Variants in FHOD3 observed in about 807,000 individuals in gnomAD.
The protein encoded by FHOD3 is formin homology 2 domain containing 3.
Under a neutral mutation model 173.0 loss-of-function variants are expected in FHOD3, and 90 were observed. That is an observed-to-expected ratio of 0.52 (90% CI 0.44 to 0.62). The LOEUF (loss-of-function observed/expected upper bound fraction) is 0.62. Ranked by LOEUF, FHOD3 falls within the 20% of genes least tolerant of loss-of-function variation. The pLI is 0.00. For missense variants in FHOD3, 1,945 were observed against 2,034.7 expected (o/e 0.96, Z 0.85); for synonymous variants, 828 against 823.0 (o/e 1.01, Z -0.10).
intron 10 of FHOD3, among the ~76,000 whole-genome samples, chr18:36,634,276 C>A (rs2034718495): frequency 6.6e-6 from 1 of 152,084 alleles, no homozygotes; most frequent in African/African-American, 2.4e-5. Flanking sequence ...TGGCATCTTT[C>A]CACCAGCCAC....
intron 3 of FHOD3, among the ~76,000 whole-genome samples, chr18:36,432,625 G>A (rs1430780593): frequency 1.3e-5 from 2 of 152,138 alleles, no homozygotes; most frequent in Admixed American, 6.5e-5. Context: ...GCCATGATGG[G>A]GTCACACATG....
chr18:36,724,010 A>T (rs2149832751), intron 19 of FHOD3, among the ~76,000 whole-genome samples: 1 of 152,320 alleles, frequency 6.6e-6, no homozygotes, highest in Non-Finnish European at 1.5e-5. Context: ...GCCTACTGAA[A>T]CTAGGTTGTG....
At chr18:36,713,127 C>T (rs1366683970) in intron 18 of FHOD3, among the ~76,000 whole-genome samples, 1 of 152,202 alleles carries the variant, frequency 6.6e-6, no homozygotes, top group Non-Finnish European at 1.5e-5. Context: ...ACCGGAGGTT[C>T]TCCAAACAGA....
intron 14 of FHOD3, among the ~76,000 whole-genome samples, chr18:36,678,524 C>CAAAAAAAAAAAAAAAAAAA (rs58064190): frequency 8.4e-5 from 6 of 71,152 alleles, no homozygotes; most frequent in African/African-American, 1.7e-4. Flanking sequence ...GACCCTGTCT[C>CAAAAAAAAAAAAAAAAAAA]AAAAAAAAAA....
At chr18:36,396,138 T>G (rs928497319) in intron 3 of FHOD3, among the ~76,000 whole-genome samples, 1 of 152,224 alleles carries the variant, frequency 6.6e-6, no homozygotes, top group African/African-American at 2.4e-5. Flanking sequence ...GATAATAAGC[T>G]TTTATGTCCC....
At chr18:36,769,215 T>C (rs2043268171) in intron 27 of FHOD3, 50 bp from the exon 28 acceptor site, 5 of 1,592,458 alleles carry the variant, frequency 3.1e-6, no homozygotes, top group Non-Finnish European at 4.3e-6. Context: ...CATATATCTT[T>C]TGTGTTTTCC....
At chr18:36,742,884 A>G in intron 22 of FHOD3, 28 bp downstream of exon 22, 1 of 1,598,108 alleles carries the variant, frequency 6.3e-7, no homozygotes, top group Non-Finnish European at 8.5e-7. Context: ...CTCATCCTGT[A>G]GCCCCCCCTT....
intron 5 of FHOD3, among the ~76,000 whole-genome samples, chr18:36,552,739 C>A (rs995778932): frequency 6.6e-6 from 1 of 152,030 alleles, no homozygotes; most frequent in South Asian, 2.1e-4. Context: ...ACCTCATGAT[C>A]CACCCGCCTC....
At position 36,504,486 on chromosome 18, in the gene FHOD3, G is replaced by T. The variant is rs555581479; in HGVS notation, c.405+2487G>T. Reference sequence around the variant, plus strand: ...AAATCATCATTCTCAGTAAACTATCGCAAGGACAAAAAACCAAACACTGCA... The same window carrying T: ...AAATCATCATTCTCAGTAAACTATCTCAAGGACAAAAAACCAAACACTGCA... On this transcript the variant is annotated intron_variant, in intron 4 of 28. Coordinates refer to ENST00000590592, the MANE Select transcript of FHOD3 (RefSeq NM_001281740.3). 2.0e-5 allele frequency among the ~76,000 whole-genome samples: 3 copies of T among 151,386 alleles called. No individual in the cohort carries two copies. In the South Asian group the frequency reaches 6.2e-4, roughly 31 times the overall value.
intron 1 of FHOD3, among the ~76,000 whole-genome samples, chr18:36,298,636 A>G (rs1055868874): frequency 6.6e-6 from 1 of 151,568 alleles, no homozygotes; most frequent in Non-Finnish European, 1.5e-5. Context: ...ACCTCGGAGG[A>G]GCAGTCGCTG....
chr18:36,421,124 C>G (rs2049961818), intron 3 of FHOD3, among the ~76,000 whole-genome samples: 1 of 152,166 alleles, frequency 6.6e-6, no homozygotes, highest in Non-Finnish European at 1.5e-5. Flanking sequence ...TGAAACTATT[C>G]TGGTTGAACT....
In FHOD3 at chr18:36,625,648, C is replaced by G; in HGVS notation, c.1095C>G (p.His365Gln). The G allele has an allele frequency of 1.9e-6, 3 of 1,610,026 alleles. No homozygotes were observed. Among genetic ancestry groups the G allele is most frequent in the South Asian group, 2.2e-5 (2 of 90,530 alleles). ...TGGACCGCAGAAGGAGCCGCAGGCACTCGGTGCAGAGCATCAAGAGCACCC... is the reference window on the plus strand; with the variant it reads ...TGGACCGCAGAAGGAGCCGCAGGCAGTCGGTGCAGAGCATCAAGAGCACCC... Reference protein sequence around the residue: ...RGLDRRRSRRHSVQSIKSTLS... With the variant: ...RGLDRRRSRRQSVQSIKSTLS... The change falls in exon 10 of 29, where the codon CAC becomes CAG. Residue 365 changes from histidine to glutamine, a missense_variant. Transcript: ENST00000590592.
At chr18:36,454,497 AT>A (rs1228446279) in intron 3 of FHOD3, among the ~76,000 whole-genome samples, 1 of 152,170 alleles carries the variant, frequency 6.6e-6, no homozygotes, top group Non-Finnish European at 1.5e-5. Flanking sequence ...CAAGCCTCAT[AT>A]GATTACATTT....
Position 36,747,092 on chromosome 18 carries a change from C to T in FHOD3, c.4189C>T (p.Arg1397Ter). The change falls in exon 24 of 29, where the codon CGA becomes TGA. Residue 1397 changes from arginine (R) to a stop codon, truncating the protein, a stop_gained. Transcript: ENST00000590592. LOFTEE classifies it high-confidence loss of function. ...MSEFLKDCAE[R>*]IIILKIVHRR... ...AGAGTTCCTGAAAGACTGTGCAGAG[C>T]GAATTATAATTTTAAAGATTGTCCA... 6 of 1,612,424 alleles carry T rather than the reference C, an allele frequency of 3.7e-6. No homozygotes were observed. Among genetic ancestry groups the T allele is most frequent in the Non-Finnish European group, 5.1e-6 (6 of 1,179,560 alleles).
At chr18:36,315,182 G>T (rs1213675054) in intron 1 of FHOD3, among the ~76,000 whole-genome samples, 2 of 152,188 alleles carry the variant, frequency 1.3e-5, no homozygotes, top group Non-Finnish European at 2.9e-5. Flanking sequence ...CCACATAGTC[G>T]ATTCATATTG....
chr18:36,679,242 T>G (rs2038074606), intron 14 of FHOD3, among the ~76,000 whole-genome samples: 1 of 152,168 alleles, frequency 6.6e-6, no homozygotes, highest in Non-Finnish European at 1.5e-5. Flanking sequence ...TTGGTCACTA[T>G]ATCTATAATT....
intron 7 of FHOD3, among the ~76,000 whole-genome samples, chr18:36,601,324 G>A (rs17747476): frequency 0.028 from 4,268 of 152,238 alleles, 172 homozygotes; most frequent in East Asian, 0.18. Flanking sequence ...TGCCTTTTAC[G>A]TCTTGTAGTA....
intron 2 of FHOD3, among the ~76,000 whole-genome samples, chr18:36,367,084 A>C (rs1490299423): frequency 2.0e-5 from 3 of 152,200 alleles, no homozygotes; most frequent in African/African-American, 7.2e-5. Context: ...ACAGGGTCAG[A>C]ACTGAAACAT....
chr18:36,602,002 G>A (rs1056318014), intron 7 of FHOD3, among the ~76,000 whole-genome samples: 1 of 152,158 alleles, frequency 6.6e-6, no homozygotes, highest in Non-Finnish European at 1.5e-5. Flanking sequence ...CCTGCTGCAA[G>A]AGACCTCACT....
Sources: gnomAD v4.1 joint callset for allele counts (sites outside exome capture counted in the v4.1 genomes callset) on GRCh38, gnomAD v4.1.1 for gene constraint, MANE v1.5 for transcripts, NCBI Gene and HGNC (gene_info 2026-07-23, HGNC 2026-07-21) for gene names.